Variants in SPP2 observed in about 807,000 individuals in gnomAD.
The protein encoded by SPP2 is secreted phosphoprotein 2, also known as secreted phosphoprotein 24.
Under a neutral mutation model 28.8 loss-of-function variants are expected in SPP2, and 34 were observed. The observed-to-expected ratio is 1.18, with a 90% confidence interval of 0.90 to 1.57. The LOEUF is 1.57. Ranked by LOEUF, SPP2 falls within the 40% of genes most tolerant of loss-of-function variation. The pLI is 0.00. For synonymous variants in SPP2, 96 were observed against 89.4 expected, an observed-to-expected ratio of 1.07 and a Z score of -0.42; for missense variants, 269 against 263.9, an observed-to-expected ratio of 1.02 and a Z score of -0.13.
At chr2:234,063,652 C>A (rs1476913972) in intron 4 of SPP2, among the ~76,000 whole-genome samples, 1 of 152,186 alleles carries the variant, frequency 6.6e-6, no homozygotes, top group Non-Finnish European at 1.5e-5. Flanking sequence ...CCTTATGGTG[C>A]ATAAGCACTC....
At chr2:234,062,108 G>A (rs1693730684) in intron 4 of SPP2, among the ~76,000 whole-genome samples, 1 of 152,188 alleles carries the variant, frequency 6.6e-6, no homozygotes, top group Non-Finnish European at 1.5e-5. Flanking sequence ...AAGACAGTGG[G>A]GAGGAAGACA....
intron 7 of SPP2, among the ~76,000 whole-genome samples, chr2:234,072,265 G>A (rs1690804940): frequency 6.6e-6 from 1 of 152,144 alleles, no homozygotes. Flanking sequence ...AGACACAAAT[G>A]GTAGCTTTTC....
chr2:234,056,014 A>C (rs1202958830), intron 2 of SPP2: 1 of 152,170 alleles, frequency 6.6e-6, no homozygotes, highest in Non-Finnish European at 1.5e-5. Context: ...CTCATCATTT[A>C]ACATTAAGTA....
intron 2 of SPP2, 87 bp downstream of exon 2, chr2:234,051,182 T>C (rs1693489832): frequency 6.6e-7 from 1 of 1,524,148 alleles, no homozygotes. Flanking sequence ...TAAGAAATTT[T>C]CTCCAGTTTA....
At chr2:234,067,764 C>A (rs1416423699) in intron 6 of SPP2, among the ~76,000 whole-genome samples, 1 of 111,250 alleles carries the variant, frequency 9.0e-6, no homozygotes, top group African/African-American at 3.7e-5. Context: ...GCGACAGAGG[C>A]CAGACTCCGT....
intron 2 of SPP2, among the ~76,000 whole-genome samples, chr2:234,052,858 T>C (rs555368024): frequency 6.6e-6 from 1 of 152,354 alleles, no homozygotes; most frequent in East Asian, 1.9e-4. Context: ...TATTTTTTTC[T>C]ATTGGGAGTG....
rs114474797 is a variant in SPP2 at position 234,068,188 on chromosome 2, T to C, written c.550+914T>C. Among the ~76,000 whole-genome samples, 534 of 152,338 alleles carry C rather than the reference T, an allele frequency of 3.5e-3. 5 individuals are homozygous for C. The highest frequency in any genetic ancestry group is 0.012 in the African/African-American group (516 of 41,580). On this transcript the variant is annotated intron_variant, in intron 6 of 7. Coordinates refer to ENST00000168148, the MANE Select transcript of SPP2 (RefSeq NM_006944.3). ...AGACGAATAAAGCAGTAAGAACTCA[T>C]GGCATTAAATGGCATATGCAAATTG...
intron 6 of SPP2, among the ~76,000 whole-genome samples, chr2:234,069,577 A>G (rs1274413959): frequency 6.6e-6 from 1 of 152,208 alleles, no homozygotes; most frequent in Non-Finnish European, 1.5e-5. Flanking sequence ...TGATGATTTA[A>G]TTTAATTCAA....
intron 5 of SPP2, 105 bp from the exon 6 acceptor site, chr2:234,067,119 C>T (rs1049625134): frequency 2.4e-5 from 26 of 1,095,820 alleles, no homozygotes; most frequent in Admixed American, 1.1e-4. Flanking sequence ...TGATCTCTCA[C>T]TGCTTCTTTG....
In SPP2 at chr2:234,058,750, TTTC is replaced by T. The variant is rs1693658010; in HGVS notation, c.211-83_211-81del. ...TCATGGTGGACAATTCTGTAATTTT[TTTC>T]TTATGGGGTAGAGACAATGATTTAT... On this transcript the variant is annotated intron_variant, in intron 2 of 7. Coordinates refer to ENST00000168148, the MANE Select transcript of SPP2 (RefSeq NM_006944.3). 4.2e-6 allele frequency: 6 copies of T among 1,443,072 alleles called. 1 individual carries two copies. In the South Asian group the frequency reaches 9.2e-5, roughly 22 times the overall value. 89.4% of individuals were successfully genotyped at this position (1,443,072 alleles called of 1,614,324 possible). A position where few individuals can be genotyped will look rare whatever the true frequency, so the allele number is the denominator to read the frequency against.
chr2:234,052,705 G>C (rs577126829), intron 2 of SPP2, among the ~76,000 whole-genome samples: 1 of 152,160 alleles, frequency 6.6e-6, no homozygotes, highest in Non-Finnish European at 1.5e-5. Flanking sequence ...TTTACCTGGA[G>C]GTCTGCCTAT....
At chr2:234,055,056 C>T (rs925663112) in intron 2 of SPP2, among the ~76,000 whole-genome samples, 17 of 152,200 alleles carry the variant, frequency 1.1e-4, no homozygotes, top group African/African-American at 3.6e-4. Context: ...CCTAAGTGAC[C>T]ATTGATGCCC....
At chr2:234,075,365 A>G (rs1012547723) in intron 7 of SPP2, among the ~76,000 whole-genome samples, 4 of 152,042 alleles carry the variant, frequency 2.6e-5, no homozygotes, top group African/African-American at 9.7e-5. Context: ...TAAAAACACC[A>G]TCTGCATTAG....
At chr2:234,063,717 A>C (rs912127772) in intron 4 of SPP2, among the ~76,000 whole-genome samples, 2 of 152,174 alleles carry the variant, frequency 1.3e-5, no homozygotes, top group African/African-American at 4.8e-5. Context: ...GAAATGGTAC[A>C]ATGTATTACA....
chr2:234,067,376 A>G, intron 6 of SPP2, 102 bp downstream of exon 6: 2 of 1,007,528 alleles, frequency 2.0e-6, no homozygotes, highest in Non-Finnish European at 3.0e-6. Context: ...ATAGGAGTTA[A>G]ATCTCTGAAA....
At position 234,069,951 on chromosome 2, in the gene SPP2, C is replaced by T. The variant is rs1285101988; in HGVS notation, c.574C>T (p.Pro192Ser). ...AGGGATCATGAGAAGGGTATTGCCT[C>T]CTGGAAACAGAAGGTACCCAAACCA... is the stretch of plus-strand genomic sequence containing the variant. ...SLGIMRRVLPPGNRRYPNHRH... is the reference protein window; with the variant it reads ...SLGIMRRVLPSGNRRYPNHRH... Residue 192 changes from proline (P) to serine (S), a missense_variant, in exon 7 of 8, where the codon CCT (proline) becomes TCT (serine). By Grantham distance (74) the Pro-to-Ser change is moderately conservative. Coordinates refer to ENST00000168148, the MANE Select transcript of SPP2 (RefSeq NM_006944.3). 5.0e-6 allele frequency: 8 copies of T among 1,613,306 alleles called. No homozygotes were observed. Among genetic ancestry groups the T allele is most frequent in the Non-Finnish European group, 6.8e-6 (8 of 1,179,502 alleles).
rs1559168663 is a variant in SPP2, at chr2:234,050,758, GA to G, written c.-28del. The G allele has an allele frequency of 6.2e-7, 1 of 1,604,440 alleles. No homozygotes were observed. Among genetic ancestry groups the G allele is most frequent in the Admixed American group, 1.7e-5 (1 of 59,968 alleles). The stretch of plus-strand genomic sequence containing the variant: ...GAACTGTCATCCCCAAACACATAGA[GA>G]GACACTCTCTGTCTCTCGATTACAA... On this transcript the variant is annotated 5_prime_UTR_variant, in exon 1 of 8. Transcript: ENST00000168148.
In SPP2 at chr2:234,058,836, G is replaced by T. The variant is rs757524498; in HGVS notation, c.211G>T (p.Val71Phe). The T allele has an allele frequency of 6.2e-7, 1 of 1,612,586 alleles. No individual in the cohort carries two copies. The highest frequency in any genetic ancestry group is 1.1e-5 in the South Asian group (1 of 90,612). The change falls in exon 3 of 8, where the codon GTT (valine) becomes TTT (phenylalanine). Residue 71 changes from valine to phenylalanine, a missense_variant and splice_region_variant. By Grantham distance (50) the Val-to-Phe change is conservative. Transcript: ENST00000168148. The stretch of plus-strand genomic sequence containing the variant: ...ACTCTGAAACTTTATTTTTGTGAAG[G>T]TTGAGGTCCTAGATGAGAACAACTT... ...FRAFRSSLKR[V>F]EVLDENNLVM...
intron 7 of SPP2, among the ~76,000 whole-genome samples, chr2:234,075,792 G>A (rs950361183): frequency 1.3e-5 from 2 of 152,056 alleles, no homozygotes; most frequent in Non-Finnish European, 1.5e-5. Flanking sequence ...AGACACCTCC[G>A]TCTGGGTATT....
Sources: allele counts gnomAD v4.1 joint callset (sites outside exome capture counted in the v4.1 genomes callset), GRCh38; gene constraint gnomAD v4.1.1; transcripts MANE v1.5; gene names NCBI Gene and HGNC (gene_info 2026-07-23, HGNC 2026-07-21).